Variants in EPB41 observed in about 807,000 individuals in gnomAD.
The protein encoded by EPB41 is erythrocyte membrane protein band 4.1, also known as protein 4.1.
EPB41 carries 65 observed loss-of-function variants against 108.0 expected under a neutral mutation model. That is an observed-to-expected ratio of 0.60 (90% CI 0.49 to 0.74). The LOEUF is 0.74. EPB41 is among the 30% of genes least tolerant of loss of function. The pLI, the probability that EPB41 is intolerant of heterozygous loss-of-function variation, is 0.00. For synonymous variants in EPB41, 336 were observed against 358.9 expected (o/e 0.94, Z 0.72); for missense variants, 875 against 1,037.0 (o/e 0.84, Z 2.15).
intron 1 of EPB41, among the ~76,000 whole-genome samples, chr1:28,955,072 G>C (rs1466188304): frequency 1.3e-5 from 2 of 152,140 alleles, no homozygotes; most frequent in Non-Finnish European, 2.9e-5. Context: ...TTGAACCCCT[G>C]TGATAAACTT....
In EPB41 at chr1:28,971,855, C is replaced by G. The variant is rs1417132380; in HGVS notation, c.-7-15576C>G. Among the ~76,000 whole-genome samples the G allele has an allele frequency of 2.0e-5, 3 of 152,148 alleles. No individual in the cohort carries two copies. In the East Asian group the frequency reaches 5.8e-4, roughly 29 times the overall value. The stretch of plus-strand genomic sequence containing the variant: ...AAATGAAACAAGGAAGCATATAATC[C>G]ATTTCATAAAGATTTCCATCTAGAA... On this transcript the variant is annotated intron_variant, in intron 1 of 20. Coordinates refer to ENST00000343067, the MANE Select transcript of EPB41 (RefSeq NM_001376013.1).
intron 19 of EPB41, among the ~76,000 whole-genome samples, chr1:29,112,777 T>C (rs1669616080): frequency 6.6e-6 from 1 of 152,152 alleles, no homozygotes; most frequent in South Asian, 2.1e-4. Flanking sequence ...CCTCTCAGGG[T>C]TGTTGTGAGA....
At chr1:28,975,890 G>T (rs899829916) in intron 1 of EPB41, among the ~76,000 whole-genome samples, 1 of 141,596 alleles carries the variant, frequency 7.1e-6, no homozygotes, top group Non-Finnish European at 1.5e-5. Flanking sequence ...GCAGTGAGCT[G>T]AGATCCCGCC....
At chr1:29,109,505 A>G in intron 18 of EPB41, 68 bp downstream of exon 18, 1 of 1,289,742 alleles carries the variant, frequency 7.8e-7, no homozygotes, top group Non-Finnish European at 1.1e-6. Flanking sequence ...ACCTCTCTGC[A>G]AGAAGGACCC....
chr1:29,059,944 T>A (rs190333137), intron 14 of EPB41, among the ~76,000 whole-genome samples: 79 of 152,356 alleles, frequency 5.2e-4, no homozygotes, highest in African/African-American at 1.7e-3. Flanking sequence ...AGATCTTTTT[T>A]ATAAAAGAGA....
chr1:29,095,165 T>G (rs1662758115), intron 16 of EPB41, among the ~76,000 whole-genome samples: 1 of 152,176 alleles, frequency 6.6e-6, no homozygotes, highest in Admixed American at 6.5e-5. Flanking sequence ...TTTAGAACTG[T>G]TTTTCCTGTG....
chr1:29,070,465 T>C (rs1045972645), intron 16 of EPB41: 2 of 1,232,150 alleles, frequency 1.6e-6, no homozygotes, highest in African/African-American at 3.1e-5. Flanking sequence ...AAGAAATTCT[T>C]CCCAAGGTTT....
chr1:29,088,149 C>T (rs888829056), intron 16 of EPB41, among the ~76,000 whole-genome samples: 2 of 150,966 alleles, frequency 1.3e-5, no homozygotes, highest in African/African-American at 2.4e-5. Context: ...TGGGTTCAAG[C>T]GATTCTCCTT....
intron 16 of EPB41, among the ~76,000 whole-genome samples, chr1:29,091,499 A>G (rs1228622259): frequency 6.6e-6 from 1 of 152,160 alleles, no homozygotes; most frequent in Non-Finnish European, 1.5e-5. Context: ...CAATATGACA[A>G]ATTCATTCTA....
At chr1:28,922,359 A>C (rs2093157816) in intron 1 of EPB41, among the ~76,000 whole-genome samples, 1 of 152,140 alleles carries the variant, frequency 6.6e-6, no homozygotes, top group Admixed American at 6.6e-5. Flanking sequence ...AAGGAGAGCT[A>C]CTTAAGGGAA....
upstream of EPB41, among the ~76,000 whole-genome samples, chr1:28,912,181 A>C (rs1047670966): frequency 2.0e-5 from 3 of 152,236 alleles, no homozygotes; most frequent in Non-Finnish European, 2.9e-5. Flanking sequence ...TATTGAGCGT[A>C]TACTGTTCTG....
chr1:29,087,175 T>C (rs1573766374), intron 16 of EPB41, among the ~76,000 whole-genome samples: 1 of 152,052 alleles, frequency 6.6e-6, no homozygotes, highest in African/African-American at 2.4e-5. Flanking sequence ...TCTCCTGACC[T>C]TGTGATCCGC....
At chr1:28,969,416 A>G (rs1419091515) in intron 1 of EPB41, among the ~76,000 whole-genome samples, 2 of 151,892 alleles carry the variant, frequency 1.3e-5, no homozygotes, top group Non-Finnish European at 2.9e-5. Context: ...TGTTTTTAGA[A>G]TTTATTTGTA....
At chr1:29,007,176 C>T (rs2096419268) in intron 4 of EPB41, among the ~76,000 whole-genome samples, 1 of 151,968 alleles carries the variant, frequency 6.6e-6, no homozygotes. Context: ...ACTGCATCCT[C>T]CACCTCCCTG....
At chr1:29,085,067 A>G (rs932543035) in intron 16 of EPB41, among the ~76,000 whole-genome samples, 1 of 151,950 alleles carries the variant, frequency 6.6e-6, no homozygotes, top group Non-Finnish European at 1.5e-5. Context: ...TTGTGATGTG[A>G]TAGAATCAAT....
chr1:28,969,491 C>T lies in EPB41; in HGVS notation c.-7-17940C>T, dbSNP rs551013590. On this transcript the variant is annotated intron_variant, in intron 1 of 20. Coordinates refer to ENST00000343067, the MANE Select transcript of EPB41 (RefSeq NM_001376013.1). ...TAAAAACTGTGTGAAATTAGCCGGG[C>T]GCAGTGGCTCACGCCTGTAATCCCA... 3.8e-3 allele frequency among the ~76,000 whole-genome samples: 572 copies of T among 152,088 alleles called. 5 individuals are homozygous for T. The highest frequency in any genetic ancestry group is 0.013 in the African/African-American group (530 of 41,522).
chr1:28,967,632 G>A (rs952982034), intron 1 of EPB41, among the ~76,000 whole-genome samples: 2 of 151,648 alleles, frequency 1.3e-5, no homozygotes, highest in Admixed American at 6.6e-5. Context: ...TTGAGACAAG[G>A]TTTTACTCTG....
chr1:28,993,580 C>T, intron 3 of EPB41, 38 bp downstream of exon 3: 1 of 1,590,660 alleles, frequency 6.3e-7, no homozygotes, highest in East Asian at 2.2e-5. Flanking sequence ...AGAACTCTTA[C>T]AGGTGGTTTC....
intron 16 of EPB41, among the ~76,000 whole-genome samples, chr1:29,078,277 G>T (rs749829604): frequency 9.9e-5 from 15 of 152,004 alleles, no homozygotes; most frequent in Non-Finnish European, 8.8e-5. Flanking sequence ...GAGGACCCCT[G>T]GTACAGACCA....
Sources: gnomAD v4.1 joint callset for allele counts (sites outside exome capture counted in the v4.1 genomes callset) on GRCh38, gnomAD v4.1.1 for gene constraint, MANE v1.5 for transcripts, NCBI Gene and HGNC (gene_info 2026-07-23, HGNC 2026-07-21) for gene names.